IQGAP2: variants seen among roughly 807,000 people sequenced by gnomAD.
IQGAP2 encodes ras GTPase-activating-like protein IQGAP2.
IQGAP2 carries 173 observed loss-of-function variants against 201.3 expected under a neutral mutation model. That is an observed-to-expected ratio of 0.86 (90% confidence interval 0.76 to 0.98). The LOEUF (loss-of-function observed/expected upper bound fraction) is 0.98, where lower values mean the gene tolerates loss of function less well. IQGAP2 is among the 50% of genes least tolerant of loss of function. IQGAP2 has a pLI of 0.00. For synonymous variants in IQGAP2, 675 were observed against 673.9 expected (o/e 1.00, Z -0.03); for missense variants, 1,687 against 1,864.8 (o/e 0.90, Z 1.76).
intron 15 of IQGAP2, among the ~76,000 whole-genome samples, 166 bp downstream of exon 15, chr5:76,632,192 T>C (rs1209799874): frequency 6.6e-6 from 1 of 152,210 alleles, no homozygotes; most frequent in African/African-American, 2.4e-5. Flanking sequence ...TGTTTCTTTT[T>C]AGTTTTAGAA....
intron 9 of IQGAP2, among the ~76,000 whole-genome samples, chr5:76,593,392 G>A (rs1346163665): frequency 6.6e-6 from 1 of 152,172 alleles, no homozygotes; most frequent in Non-Finnish European, 1.5e-5. Flanking sequence ...TTTGGTGCCA[G>A]TGAATGGGAC....
intron 11 of IQGAP2, 72 bp from the exon 12 acceptor site, chr5:76,606,107 C>A: frequency 1.5e-6 from 2 of 1,330,516 alleles, no homozygotes; most frequent in South Asian, 1.6e-5. Context: ...GACCATGTGT[C>A]ATAGTTGAGA....
At chr5:76,542,676 G>A (rs1205060706) in intron 2 of IQGAP2, among the ~76,000 whole-genome samples, 5 of 152,184 alleles carry the variant, frequency 3.3e-5, no homozygotes, top group African/African-American at 1.2e-4. Flanking sequence ...TGAGGGACAG[G>A]TCTTATCAAC....
At chr5:76,693,568 C>A in intron 31 of IQGAP2, 126 bp downstream of exon 31, 1 of 653,280 alleles carries the variant, frequency 1.5e-6, no homozygotes, top group Non-Finnish European at 2.7e-6. Context: ...GGAATTTTAT[C>A]TATTACTGCA....
At chr5:76,429,692 G>T (rs868585092) in intron 1 of IQGAP2, among the ~76,000 whole-genome samples, 5 of 149,332 alleles carry the variant, frequency 3.3e-5, no homozygotes, top group Non-Finnish European at 7.4e-5. Context: ...CCTTGATGAA[G>T]GGTGTTAAAG....
chr5:76,589,370 T>C (rs565390250), intron 6 of IQGAP2, among the ~76,000 whole-genome samples: 1 of 152,118 alleles, frequency 6.6e-6, no homozygotes, highest in South Asian at 2.1e-4. Context: ...ATATTATTGA[T>C]TTCCCTTATT....
At chr5:76,553,800 T>G (rs1024755539) in intron 2 of IQGAP2, among the ~76,000 whole-genome samples, 1 of 152,124 alleles carries the variant, frequency 6.6e-6, no homozygotes, top group Non-Finnish European at 1.5e-5. Flanking sequence ...ATTCACATAT[T>G]GGGGTTGTGG....
At chr5:76,600,714 G>C (rs1479598243) in intron 10 of IQGAP2, 98 bp from the exon 11 acceptor site, 1 of 1,430,016 alleles carries the variant, frequency 7.0e-7, no homozygotes, top group African/African-American at 1.4e-5. Flanking sequence ...CAAGTTCTTT[G>C]ACTTTTTGTT....
chr5:76,629,167 C>A (rs1750495864), intron 14 of IQGAP2, among the ~76,000 whole-genome samples: 1 of 152,166 alleles, frequency 6.6e-6, no homozygotes, highest in Non-Finnish European at 1.5e-5. Context: ...TCTTTTCACT[C>A]TGTCCTGTCC....
intron 2 of IQGAP2, among the ~76,000 whole-genome samples, chr5:76,523,447 C>T (rs539336609): frequency 2.0e-5 from 3 of 152,218 alleles, no homozygotes; most frequent in South Asian, 2.1e-4. Context: ...AGCAATCTCG[C>T]CATATCAAAT....
rs996188543 is a variant in IQGAP2 at position 76,602,605 on chromosome 5, C to T, written c.1232+1633C>T. ...TGATTTTTTTTTTTTAATTTAAATACATTCTGGATCTGGAAGACCCAGTAC... is the reference window on the plus strand; with the variant it reads ...TGATTTTTTTTTTTTAATTTAAATATATTCTGGATCTGGAAGACCCAGTAC... On this transcript the variant is annotated intron_variant, in intron 11 of 35. Transcript: ENST00000274364. Among the ~76,000 whole-genome samples, 8 of 151,672 alleles carry T rather than the reference C, an allele frequency of 5.3e-5. 1 individual carries two copies. The highest frequency in any genetic ancestry group is 1.7e-4 in the African/African-American group (7 of 41,322).
In IQGAP2 at chr5:76,698,073, G is replaced by A; in HGVS notation, c.4293G>A (p.Lys1431=). The change falls in exon 33 of 36, where the codon AAG becomes AAA. Residue 1431 remains lysine (K), a synonymous_variant. Coordinates refer to ENST00000274364, the MANE Select transcript of IQGAP2 (RefSeq NM_006633.5). ...AGACCCTGAATGCACTTAACAAGAA[G>A]GCAGCATTTTATGAAGAGCAAATCA... ...LQQTLNALNK[K]AAFYEEQINY... 6.2e-7 allele frequency: 1 copy of A among 1,612,958 alleles called. No homozygotes were observed. Among genetic ancestry groups the A allele is most frequent in the Non-Finnish European group, 8.5e-7 (1 of 1,179,084 alleles).
chr5:76,537,050 C>A (rs569300329), intron 2 of IQGAP2, among the ~76,000 whole-genome samples: 88 of 152,104 alleles, frequency 5.8e-4, no homozygotes, highest in Non-Finnish European at 1.2e-3. Flanking sequence ...AAGTTCTGTA[C>A]CAAAGCTATC....
At chr5:76,483,892 G>A (rs1755950970) in intron 2 of IQGAP2, among the ~76,000 whole-genome samples, 1 of 152,190 alleles carries the variant, frequency 6.6e-6, no homozygotes, top group East Asian at 1.9e-4. Context: ...CCTGGGAAGA[G>A]CCACAGGATA....
At chr5:76,678,135 T>G (rs1744987012) in intron 28 of IQGAP2, among the ~76,000 whole-genome samples, 1 of 152,116 alleles carries the variant, frequency 6.6e-6, no homozygotes, top group Non-Finnish European at 1.5e-5. Flanking sequence ...ATTCTAATGT[T>G]TTAACATAAA....
chr5:76,616,882 G>T (rs1749025297), intron 13 of IQGAP2: 1 of 151,878 alleles, frequency 6.6e-6, no homozygotes, highest in Admixed American at 6.6e-5. Flanking sequence ...GAAGGCAAAG[G>T]TGAAACTAGA....
chr5:76,449,408 A>G (rs746830610), intron 1 of IQGAP2, among the ~76,000 whole-genome samples: 7 of 152,106 alleles, frequency 4.6e-5, no homozygotes, highest in Non-Finnish European at 1.0e-4. Context: ...ACTTTTCTCC[A>G]GCTGTTAAAT....
intron 22 of IQGAP2, among the ~76,000 whole-genome samples, chr5:76,666,589 G>A (rs1190636933): frequency 6.6e-6 from 1 of 152,090 alleles, no homozygotes; most frequent in Non-Finnish European, 1.5e-5. Flanking sequence ...ACAACCAAAG[G>A]GTGCAACCAT....
At chr5:76,584,171 C>G (rs561547284) in intron 5 of IQGAP2, among the ~76,000 whole-genome samples, 1 of 151,496 alleles carries the variant, frequency 6.6e-6, no homozygotes, top group East Asian at 1.9e-4. Context: ...TGTGCCCAGC[C>G]GAGAAAAATA....
Sources: allele counts gnomAD v4.1 joint callset (sites outside exome capture counted in the v4.1 genomes callset), GRCh38; gene constraint gnomAD v4.1.1; transcripts MANE v1.5; gene names NCBI Gene and HGNC (gene_info 2026-07-23, HGNC 2026-07-21).